Variants in RIN2 observed in about 807,000 individuals in gnomAD.
The protein encoded by RIN2 is RAB5 interacting protein 2.
In RIN2, 36 loss-of-function variants were observed where a neutral mutation model predicts 78.0. The ratio of observed to expected loss-of-function variants is 0.46; its 90% CI spans 0.35 to 0.61. RIN2 has a LOEUF of 0.61. Among genes scored for constraint, RIN2 ranks in the 20% least tolerant of loss-of-function variants. The probability of loss-of-function intolerance (pLI) is 0.00; values close to 1 mark genes in which losing one functional copy is unlikely to be tolerated. For missense variants in RIN2, 1,087 were observed against 1,159.7 expected, an observed-to-expected ratio of 0.94 and a Z score of 0.91; for synonymous variants, 466 against 466.8, an observed-to-expected ratio of 1.00 and a Z score of 0.02.
At position 19,974,800 on chromosome 20, in the gene RIN2, G is replaced by C. The variant is rs1194886292; in HGVS notation, c.775G>C (p.Glu259Gln). ...TTCTATCAAAACCAGGACGCCTTCA[G>C]AGCTGGAGTGCAGCCAGACCAACGG... ...VHSIKTRTPS[E>Q]LECSQTNGAL... The change falls in exon 9 of 13, where the codon GAG (glutamate) becomes CAG (glutamine). Residue 259 changes from glutamate (E) to glutamine (Q), a missense_variant. Around this residue, in one of 8 missense-constraint regions of RIN2, gnomAD observed 706 missense variants for 667.5 expected, o/e 1.06. Transcript: ENST00000255006. 6.2e-7 allele frequency: 1 copy of C among 1,613,898 alleles called. No homozygotes were observed. Among genetic ancestry groups the C allele is most frequent in the East Asian group, 2.2e-5 (1 of 44,878 alleles).
chr20:19,830,431 A>T (rs1347068858), intron 2 of RIN2, among the ~76,000 whole-genome samples: 2 of 152,128 alleles, frequency 1.3e-5, no homozygotes, highest in African/African-American at 4.8e-5. Context: ...TCTCAGGTGT[A>T]GCATCTTCCT....
intron 3 of RIN2, among the ~76,000 whole-genome samples, chr20:19,897,164 G>A (rs2038769774): frequency 1.3e-5 from 2 of 152,080 alleles, no homozygotes; most frequent in African/African-American, 4.8e-5. Context: ...GGAGTGTAGT[G>A]GAACAATCTC....
At chr20:19,844,606 CTTCTTCTTCT>C (rs1568807069) in intron 2 of RIN2, among the ~76,000 whole-genome samples, 100 of 49,080 alleles carry the variant, frequency 2.0e-3, no homozygotes, top group Non-Finnish European at 2.6e-3. Flanking sequence ...TCTTCCTCTT[CTTCTTCTTCT>C]TCTTCTTCTT....
chr20:19,822,886 G>A (rs1344285123), intron 2 of RIN2, among the ~76,000 whole-genome samples: 1 of 152,088 alleles, frequency 6.6e-6, no homozygotes, highest in Non-Finnish European at 1.5e-5. Flanking sequence ...AAAAAGAGGT[G>A]ACTATTTGCA....
At chr20:19,950,418 C>A (rs2041266811) in intron 4 of RIN2, among the ~76,000 whole-genome samples, 1 of 152,182 alleles carries the variant, frequency 6.6e-6, no homozygotes. Flanking sequence ...ATTATTACTT[C>A]TCCTCCAACC....
chr20:19,779,897 A>T (rs1406311775), intron 1 of RIN2, among the ~76,000 whole-genome samples: 2 of 152,194 alleles, frequency 1.3e-5, no homozygotes, highest in African/African-American at 4.8e-5. Context: ...AGCATAGCAA[A>T]ATCAGCCTAT....
chr20:19,823,678 G>C, intron 2 of RIN2: 5 of 1,580,686 alleles, frequency 3.2e-6, no homozygotes, highest in Non-Finnish European at 4.3e-6. Context: ...TCTGTCTCTT[G>C]GTGGTTCCTT....
At chr20:19,892,818 T>C (rs1419651354) in intron 3 of RIN2, among the ~76,000 whole-genome samples, 1 of 152,224 alleles carries the variant, frequency 6.6e-6, no homozygotes, top group African/African-American at 2.4e-5. Context: ...GCAGGTTCAT[T>C]TGTAACAAGC....
Position 19,979,458 on chromosome 20 carries a change from G to A in RIN2, c.1762+3671G>A, listed in dbSNP as rs528269073. On this transcript the variant is annotated intron_variant, in intron 9 of 12. Transcript: ENST00000255006. ...TTCCACATATTTCAAAGGTCACTTC[G>A]ATTTACGTATCTGAGTGTTTTTTGT... is the stretch of plus-strand genomic sequence containing the variant. 4.6e-5 allele frequency among the ~76,000 whole-genome samples: 7 copies of A among 152,242 alleles called. No individual in the cohort carries two copies. The East Asian group carries it at 9.7e-4, about 21-fold the overall frequency.
intron 2 of RIN2, among the ~76,000 whole-genome samples, chr20:19,881,780 CTTTG>C (rs1476869573): frequency 1.3e-5 from 2 of 152,094 alleles, no homozygotes; most frequent in African/African-American, 4.8e-5. Context: ...ACCCTGTGGA[CTTTG>C]TTTATGTTCT....
At chr20:19,939,706 G>A (rs975293426) in intron 4 of RIN2, among the ~76,000 whole-genome samples, 4 of 152,092 alleles carry the variant, frequency 2.6e-5, no homozygotes, top group African/African-American at 9.7e-5. Context: ...TGTACTTGCG[G>A]TTCCTTCTGT....
At chr20:19,804,969 AG>A (rs1203140832) in intron 2 of RIN2, among the ~76,000 whole-genome samples, 2 of 151,990 alleles carry the variant, frequency 1.3e-5, no homozygotes, top group Non-Finnish European at 2.9e-5. Context: ...CAGTCTTGGG[AG>A]GGTCTTTGTG....
intron 4 of RIN2, among the ~76,000 whole-genome samples, chr20:19,941,848 C>T (rs2040883451): frequency 6.6e-6 from 1 of 152,166 alleles, no homozygotes; most frequent in South Asian, 2.1e-4. Flanking sequence ...GGCAGGGTGA[C>T]TCACACCTGT....
chr20:19,768,387 C>T (rs974275235), intron 1 of RIN2, among the ~76,000 whole-genome samples: 3 of 152,334 alleles, frequency 2.0e-5, no homozygotes, highest in East Asian at 3.9e-4. Flanking sequence ...GTAGCCAGAT[C>T]GGAGGCCAGC....
rs770141958 is a variant in RIN2 at position 19,970,818 on chromosome 20, C to T, written c.537-20C>T. Reference sequence around the variant, plus strand: ...GCAGACATGTAATTACAAACATTCTCTCTTTTTCTGAACAATCAGGGATGT... The same window carrying T: ...GCAGACATGTAATTACAAACATTCTTTCTTTTTCTGAACAATCAGGGATGT... On this transcript the variant is annotated intron_variant, in intron 7 of 12. Transcript: ENST00000255006. 6.4e-7 allele frequency: 1 copy of T among 1,569,124 alleles called. No homozygotes were observed. Among genetic ancestry groups the T allele is most frequent in the Non-Finnish European group, 8.8e-7 (1 of 1,141,282 alleles).
chr20:19,762,058 T>G (rs1420924519), intron 1 of RIN2, among the ~76,000 whole-genome samples: 1 of 152,222 alleles, frequency 6.6e-6, no homozygotes, highest in Non-Finnish European at 1.5e-5. Flanking sequence ...AAGTGAATTC[T>G]CTAGGGTGTC....
chr20:19,930,354 G>A (rs527413638), intron 3 of RIN2, among the ~76,000 whole-genome samples: 8 of 152,302 alleles, frequency 5.3e-5, no homozygotes, highest in African/African-American at 1.9e-4. Context: ...TCTTGTGTGT[G>A]GCCAGATGTA....
chr20:19,909,814 C>T (rs747891402), intron 3 of RIN2, among the ~76,000 whole-genome samples: 1 of 152,200 alleles, frequency 6.6e-6, no homozygotes, highest in Non-Finnish European at 1.5e-5. Context: ...TCCTTGGTGG[C>T]CACAAGACAT....
chr20:19,890,679 C>CAAAAAAAAA lies in RIN2; in HGVS notation c.57+1037_57+1045dup, dbSNP rs534202183. On this transcript the variant is annotated intron_variant, in intron 3 of 12. Transcript: ENST00000255006. ...TATATTGTGTCAACTGTTGACTCTACAAAAAAAAAAAAAAAAAAAAAAAAC... is the reference window on the plus strand; with the variant it reads ...TATATTGTGTCAACTGTTGACTCTACAAAAAAAAAAAAAAAAAAAAAAAAAAAAAAAAAC... Among the ~76,000 whole-genome samples, 167 of 64,410 alleles carry CAAAAAAAAA rather than the reference C, an allele frequency of 2.6e-3. 18 individuals are homozygous for CAAAAAAAAA. Among genetic ancestry groups the CAAAAAAAAA allele is most frequent in the African/African-American group, 6.8e-3 (119 of 17,438 alleles). 42.3% of individuals were successfully genotyped at this position (64,410 alleles called of 152,430 possible).
Sources: allele counts gnomAD v4.1 joint callset (sites outside exome capture counted in the v4.1 genomes callset), GRCh38; gene constraint gnomAD v4.1.1; regional missense constraint gnomAD v4.1.1; transcripts MANE v1.5; gene names NCBI Gene and HGNC (gene_info 2026-07-23, HGNC 2026-07-21).